Variants in SRSF11 observed in about 807,000 individuals in gnomAD.
SRSF11 encodes the protein serine/arginine-rich splicing factor 11.
SRSF11 carries 9 observed loss-of-function variants against 56.0 expected under a neutral mutation model. The ratio of observed to expected loss-of-function variants is 0.16; its 90% CI spans 0.10 to 0.28. SRSF11 has a LOEUF of 0.28. Among genes scored for constraint, SRSF11 ranks in the 10% least tolerant of loss-of-function variants. The pLI is 1.00. For missense variants in SRSF11, 421 were observed against 600.7 expected (o/e 0.70, Z 3.13); for synonymous variants, 222 against 215.3 (o/e 1.03, Z -0.27).
chr1:70,229,352 A>C (rs181893011), intron 2 of SRSF11: 1 of 1,200,526 alleles, frequency 8.3e-7, no homozygotes, highest in East Asian at 6.3e-5. Context: ...TTTGTTAACT[A>C]CATTTTCTCT....
At chr1:70,235,985 G>A (rs757447826) in intron 5 of SRSF11, among the ~76,000 whole-genome samples, 4 of 152,098 alleles carry the variant, frequency 2.6e-5, no homozygotes, top group Non-Finnish European at 2.9e-5. Flanking sequence ...AATTGTTTCC[G>A]ACTTGATGAT....
chr1:70,207,622 T>TACCTTTGGGGAAGAAACAACCC (rs1367698149), intron 1 of SRSF11, among the ~76,000 whole-genome samples: 1 of 152,028 alleles, frequency 6.6e-6, no homozygotes, highest in Non-Finnish European at 1.5e-5. Flanking sequence ...AGTAACAACC[T>TACCTTTGGGGAAGAAACAACCC]ACCTTTGGGG....
chr1:70,212,293 G>C (rs1217514694), intron 1 of SRSF11, among the ~76,000 whole-genome samples: 2 of 151,968 alleles, frequency 1.3e-5, no homozygotes, highest in African/African-American at 4.8e-5. Context: ...GTCTCACTCT[G>C]TCGCCCAGGC....
In SRSF11 at chr1:70,215,552, C is replaced by T. The variant is rs527510496; in HGVS notation, c.-25-6060C>T. On this transcript the variant is annotated intron_variant, in intron 1 of 12. Transcript: ENST00000370950. ...CAGAAACCCAAAGACTGATAAATTGCCTTTTCTAGCCTCAAAAAAATGTAT... is the reference window on the plus strand; with the variant it reads ...CAGAAACCCAAAGACTGATAAATTGTCTTTTCTAGCCTCAAAAAAATGTAT... Among the ~76,000 whole-genome samples the T allele has an allele frequency of 2.0e-5, 3 of 152,206 alleles. No homozygotes were observed. The South Asian group carries it at 6.2e-4, about 32-fold the overall frequency.
intron 1 of SRSF11, among the ~76,000 whole-genome samples, chr1:70,216,034 C>T (rs1420825994): frequency 6.6e-6 from 1 of 152,172 alleles, no homozygotes; most frequent in Non-Finnish European, 1.5e-5. Flanking sequence ...GATCCACCCA[C>T]CTCGGCCTCC....
intron 9 of SRSF11, chr1:70,247,155 T>C: frequency 1.0e-6 from 1 of 974,262 alleles, no homozygotes; most frequent in Non-Finnish European, 1.3e-6. Context: ...GAGAGGTGAG[T>C]TTTTCTCTTT....
intron 8 of SRSF11, chr1:70,246,583 C>G (rs1001224836): frequency 6.3e-6 from 2 of 318,484 alleles, no homozygotes; most frequent in Admixed American, 5.0e-5. Context: ...TTTTCTCACC[C>G]ATAGTCTACT....
chr1:70,210,182 A>T (rs552317832), intron 1 of SRSF11, among the ~76,000 whole-genome samples: 1 of 150,978 alleles, frequency 6.6e-6, no homozygotes, highest in East Asian at 2.0e-4. Context: ...TCCAAGACAG[A>T]GTTTCCCTTT....
At chr1:70,219,542 A>C (rs543802481), upstream of SRSF11, among the ~76,000 whole-genome samples, 18 of 152,328 alleles carry the variant, frequency 1.2e-4, no homozygotes, top group African/African-American at 4.3e-4. Context: ...ATCCACATAC[A>C]TGGAACCCAT....
At chr1:70,228,047 G>A (rs955075272) in intron 1 of SRSF11, among the ~76,000 whole-genome samples, 2 of 152,178 alleles carry the variant, frequency 1.3e-5, no homozygotes, top group African/African-American at 4.8e-5. Flanking sequence ...TTCTTACTCT[G>A]AGAAAGCCAT....
intron 7 of SRSF11, among the ~76,000 whole-genome samples, chr1:70,243,050 A>G (rs1675850128): frequency 6.6e-6 from 1 of 152,172 alleles, no homozygotes; most frequent in African/African-American, 2.4e-5. Flanking sequence ...ATTGAGTTCA[A>G]TAACTCAAAT....
chr1:70,228,944 A>G (rs1177753116), intron 2 of SRSF11: 1 of 984,592 alleles, frequency 1.0e-6, no homozygotes, highest in Non-Finnish European at 1.2e-6. Context: ...TCTGTTTTAA[A>G]TAAATGAGTA....
chr1:70,230,635 CTATTTTTAAATTGTAGTTT>C, intron 2 of SRSF11: 1 of 1,264,874 alleles, frequency 7.9e-7, no homozygotes, highest in Non-Finnish European at 1.0e-6. Context: ...GGCCTCATTG[CTATTTTTAAATTGTAGTTT>C]TATTTTTAAA....
At position 70,252,671 on chromosome 1, in the gene SRSF11, A is replaced by T. The variant is rs12025554; in HGVS notation, c.*1866A>T. 1.3e-5 allele frequency: 2 copies of T among 152,312 alleles called. No individual in the cohort carries two copies. Among genetic ancestry groups the T allele is most frequent in the East Asian group, 3.9e-4 (2 of 5,188 alleles). 9.4% of individuals were successfully genotyped at this position (152,312 alleles called of 1,614,324 possible). A position where few individuals can be genotyped will look rare whatever the true frequency, so the allele number is the denominator to read the frequency against. On this transcript the variant is annotated 3_prime_UTR_variant, in exon 12 of 12. Transcript: ENST00000370949. ...AAAAACAAAGTTCAACACAAATGAC[A>T]TTTGTTTTAAACTTTAGTAGATAAA...
At position 70,232,305 on chromosome 1, in the gene SRSF11, G is replaced by A. The variant is rs1672986028; in HGVS notation, c.375G>A (p.Leu125=). Residue 125 remains leucine, a synonymous_variant, in exon 3 of 12, where the codon TTG becomes TTA. Transcript: ENST00000370949. ...IPDEAKALSL[L]APANAVAGLL... Reference sequence around the variant, plus strand: ...ATGAAGCTAAAGCTTTGTCTCTGTTGGCACCAGCTAATGCAGTGGCAGGTC... The same window carrying A: ...ATGAAGCTAAAGCTTTGTCTCTGTTAGCACCAGCTAATGCAGTGGCAGGTC... 2 of 1,614,118 alleles carry A rather than the reference G, an allele frequency of 1.2e-6. No individual in the cohort carries two copies. The highest frequency in any genetic ancestry group is 1.7e-6 in the Non-Finnish European group (2 of 1,180,034).
chr1:70,237,617 G>A, intron 6 of SRSF11, 65 bp downstream of exon 6: 2 of 1,592,606 alleles, frequency 1.3e-6, no homozygotes, highest in South Asian at 2.3e-5. Context: ...CATAAATGTG[G>A]AATTGTGTTG....
chr1:70,220,085 G>A (rs1670382919), upstream of SRSF11, among the ~76,000 whole-genome samples: 1 of 152,222 alleles, frequency 6.6e-6, no homozygotes, highest in Non-Finnish European at 1.5e-5. Flanking sequence ...CATTGGGACT[G>A]ACTGTGTGAC....
intron 5 of SRSF11, among the ~76,000 whole-genome samples, chr1:70,236,177 C>T (rs1673961466): frequency 6.6e-6 from 1 of 152,004 alleles, no homozygotes; most frequent in African/African-American, 2.4e-5. Flanking sequence ...AAAAATAAAA[C>T]CAAGCATGTA....
At chr1:70,224,205 A>T (rs1671266828) in intron 1 of SRSF11, among the ~76,000 whole-genome samples, 1 of 152,008 alleles carries the variant, frequency 6.6e-6, no homozygotes, top group African/African-American at 2.4e-5. Context: ...GCATCTGTGG[A>T]TTTTGTTATC....
Sources: allele counts gnomAD v4.1 joint callset (sites outside exome capture counted in the v4.1 genomes callset), GRCh38; gene constraint gnomAD v4.1.1; transcripts MANE v1.5; gene names NCBI Gene and HGNC (gene_info 2026-07-23, HGNC 2026-07-21).